The following SIX3 variants were observed in gnomAD, a reference collection of about 807,000 sequenced individuals.
SIX3 encodes the protein homeobox protein SIX3.
A neutral mutation model predicts 21.7 loss-of-function variants in SIX3; 2 were observed. The observed-to-expected ratio is 0.09, with a 90% CI of 0.04 to 0.29. SIX3 has a LOEUF of 0.29. SIX3 is among the 10% of genes least tolerant of loss of function. SIX3 has a pLI of 1.00. For synonymous variants in SIX3, 243 were observed against 220.6 expected, an observed-to-expected ratio of 1.10 and a Z score of -0.90; for missense variants, 347 against 480.7, an observed-to-expected ratio of 0.72 and a Z score of 2.60.
Position 44,942,413 on chromosome 2 carries a change from C to A in SIX3, c.309C>A (p.Gly103=), listed in dbSNP as rs1666599535. ...TCTGTGAGACGCTGGAGGAGACGGG[C>A]GACATCGAGCGGCTGGGCCGCTTCC... ...ASVCETLEET[G]DIERLGRFLW... is the part of the protein sequence containing the mutation. The change falls in exon 1 of 2, where the codon GGC becomes GGA. Residue 103 remains glycine (G), a synonymous_variant. Transcript: ENST00000260653. This position sits in a 1 kb window ranked among gnomAD's most constrained non-coding sequence, Gnocchi z 8.4. The A allele has an allele frequency of 3.8e-6, 6 of 1,597,564 alleles. No individual in the cohort carries two copies. The highest frequency in any genetic ancestry group is 2.2e-5 in the East Asian group (1 of 44,854).
chr2:44,944,225 A>G (rs1038549587), intron 1 of SIX3, among the ~76,000 whole-genome samples: 2 of 151,826 alleles, frequency 1.3e-5, no homozygotes, highest in Non-Finnish European at 2.9e-5. Flanking sequence ...GCGGTGGGGA[A>G]CCCGCAGCTC....
chr2:44,942,475 CCAT>C lies in SIX3; in HGVS notation c.374_376del (p.Ile125del). The stretch of plus-strand genomic sequence containing the variant: ...CCCGTGGCCCCCGGGGCGTGCGAGG[CCAT>C]CAACAAACACGAGTCGATCCTGCGC... On this transcript the variant is annotated inframe_deletion, in exon 1 of 2. Coordinates refer to ENST00000260653, the MANE Select transcript of SIX3 (RefSeq NM_005413.4). This position sits in a 1 kb window ranked among gnomAD's most constrained non-coding sequence, Gnocchi z 8.4. 1 of 1,598,232 alleles carries C rather than the reference CCAT, an allele frequency of 6.3e-7. No individual in the cohort carries two copies. Among genetic ancestry groups the C allele is most frequent in the Non-Finnish European group, 8.5e-7 (1 of 1,179,716 alleles).
chr2:44,942,176 C>G lies in SIX3; in HGVS notation c.72C>G (p.His24Gln), dbSNP rs968579804. Residue 24 changes from histidine to glutamine, a missense_variant, in exon 1 of 2, where the codon CAC (histidine) becomes CAG (glutamine). By Grantham distance (24) the His-to-Gln change is conservative (BLOSUM62 0). Transcript: ENST00000260653. This position sits in a 1 kb window ranked among gnomAD's most constrained non-coding sequence, Gnocchi z 8.4. Reference sequence around the variant, plus strand: ...TGCCAAACTTCGCCGATTCTCACCACCGCTCCATACTTCTGGCGAGTAGCG... The same window carrying G: ...TGCCAAACTTCGCCGATTCTCACCAGCGCTCCATACTTCTGGCGAGTAGCG... ...FLLPNFADSH[H>Q]RSILLASSGG... The G allele has an allele frequency of 1.9e-6, 3 of 1,598,150 alleles. No individual in the cohort carries two copies. The highest frequency in any genetic ancestry group is 1.3e-5 in the African/African-American group (1 of 74,824).
At chr2:44,943,729 G>C (rs1666632284) in intron 1 of SIX3, among the ~76,000 whole-genome samples, 1 of 152,234 alleles carries the variant, frequency 6.6e-6, no homozygotes, top group South Asian at 2.1e-4. Context: ...AAGAAAAGAG[G>C]AAGTTGGGTG....
chr2:44,942,536 C>A lies in SIX3; in HGVS notation c.432C>A (p.Asn144Lys), dbSNP rs1666602349. The A allele has an allele frequency of 6.3e-7, 1 of 1,598,526 alleles. No homozygotes were observed. Among genetic ancestry groups the A allele is most frequent in the African/African-American group, 1.3e-5 (1 of 74,916 alleles). Residue 144 changes from asparagine (N) to lysine (K), a missense_variant, in exon 1 of 2, where the codon AAC becomes AAA. Transcript: ENST00000260653. This position sits in a 1 kb window ranked among gnomAD's most constrained non-coding sequence, Gnocchi z 8.4. ...CCGTGGTCGCCTTCCACACGGGCAACTTCCGCGACCTCTACCACATCCTTG... is the reference window on the plus strand; with the variant it reads ...CCGTGGTCGCCTTCCACACGGGCAAATTCCGCGACCTCTACCACATCCTTG... ...ARAVVAFHTG[N>K]FRDLYHILEN...
Position 44,944,836 on chromosome 2 carries a change from C to G in SIX3, c.*76C>G. On this transcript the variant is annotated 3_prime_UTR_variant, in exon 2 of 2. Coordinates refer to ENST00000260653, the MANE Select transcript of SIX3 (RefSeq NM_005413.4). Reference sequence around the variant, plus strand: ...CCCTCCGCCTCCTAGCCCTCCTCCTCTTCCTCCTCTTCCTTCTCCTCCTCC... The same window carrying G: ...CCCTCCGCCTCCTAGCCCTCCTCCTGTTCCTCCTCTTCCTTCTCCTCCTCC... The G allele has an allele frequency of 7.0e-6, 9 of 1,280,936 alleles. No individual in the cohort carries two copies. The highest frequency in any genetic ancestry group is 9.9e-6 in the Non-Finnish European group (9 of 913,096). 79.3% of individuals were successfully genotyped at this position (1,280,936 alleles called of 1,614,324 possible).
chr2:44,942,456 G>A lies in SIX3; in HGVS notation c.352G>A (p.Ala118Thr). 9 of 1,597,954 alleles carry A rather than the reference G, an allele frequency of 5.6e-6. No individual in the cohort carries two copies. The highest frequency in any genetic ancestry group is 1.1e-5 in the South Asian group (1 of 91,036). ...LGRFLWSLPV[A>T]PGACEAINKH... The stretch of plus-strand genomic sequence containing the variant: ...CCGCTTCCTCTGGTCGCTGCCCGTG[G>A]CCCCCGGGGCGTGCGAGGCCATCAA... Residue 118 changes from alanine (A) to threonine (T), a missense_variant, in exon 1 of 2, where the codon GCC becomes ACC. Transcript: ENST00000260653. The surrounding 1 kb of genome is among the most constrained non-coding windows in gnomAD (Gnocchi z 8.4).
chr2:44,941,939 C>T lies in SIX3; in HGVS notation c.-166C>T, dbSNP rs1666578483. 1.6e-6 allele frequency: 1 copy of T among 622,880 alleles called. No individual in the cohort carries two copies. Among genetic ancestry groups the T allele is most frequent in the African/African-American group, 1.8e-5 (1 of 54,598 alleles). The allele number at this position is 622,880 out of a possible 1,614,324, so 38.6% of individuals were successfully genotyped here. On this transcript the variant is annotated 5_prime_UTR_variant, in exon 1 of 2. Coordinates refer to ENST00000260653, the MANE Select transcript of SIX3 (RefSeq NM_005413.4). ...GTGGATGTGTGTGGGGTGTGGGTGT[C>T]CCTTACGCCCTTCCTCCTCTCCCTC...
Position 44,942,271 on chromosome 2 carries a change from GC to G in SIX3, c.168del (p.Gly57AlafsTer194), listed in dbSNP as rs1432632384. The G allele has an allele frequency of 6.5e-7, 1 of 1,541,478 alleles. No homozygotes were observed. Among genetic ancestry groups the G allele is most frequent in the East Asian group, 2.4e-5 (1 of 42,400 alleles). ...AGCGGCGGCGGGAACGGTGCGGGAG[GC>G]GGCGGTGCTGGCGGAGCAGGCGGCG... ...GGSGGGNGAGGGGAGGAGGGG... is the reference protein window; with the variant it reads ...GGSGGGNGAGXGGAGGAGGGG... On this transcript the variant is annotated frameshift_variant, in exon 1 of 2. Transcript: ENST00000260653. LOFTEE classifies it high-confidence loss of function. This position sits in a 1 kb window ranked among gnomAD's most constrained non-coding sequence, Gnocchi z 8.4.
chr2:44,942,320 C>G lies in SIX3; in HGVS notation c.216C>G (p.Ala72=). The G allele has an allele frequency of 1.3e-6, 2 of 1,590,650 alleles. No individual in the cohort carries two copies. The highest frequency in any genetic ancestry group is 2.2e-5 in the East Asian group (1 of 44,508). Reference sequence around the variant, plus strand: ...GCGGCGGCGGCGGCGGCTCCAGGGCCCCCCCGGAAGAGTTGTCCATGTTCC... The same window carrying G: ...GCGGCGGCGGCGGCGGCTCCAGGGCGCCCCCGGAAGAGTTGTCCATGTTCC... ...AGGGGGGGSR[A]PPEELSMFQL... is the part of the protein sequence containing the mutation. The change falls in exon 1 of 2, where the codon GCC becomes GCG. Residue 72 remains alanine, a synonymous_variant. Transcript: ENST00000260653. The surrounding 1 kb of genome is among the most constrained non-coding windows in gnomAD (Gnocchi z 8.4).
At position 44,942,110 on chromosome 2, in the gene SIX3, A is replaced by C; in HGVS notation, c.6A>C (p.Val2=). 6.3e-7 allele frequency: 1 copy of C among 1,585,034 alleles called. No individual in the cohort carries two copies. Among genetic ancestry groups the C allele is most frequent in the African/African-American group, 1.4e-5 (1 of 73,792 alleles). The change falls in exon 1 of 2, where the codon GTA becomes GTC. Residue 2 remains valine, a synonymous_variant. Coordinates refer to ENST00000260653, the MANE Select transcript of SIX3 (RefSeq NM_005413.4). The surrounding 1 kb of genome is among the most constrained non-coding windows in gnomAD (Gnocchi z 8.4). M[V]FRSPLDLYSS... The stretch of plus-strand genomic sequence containing the variant: ...CTCTCCTCTCAGGTCAGTCCATGGT[A>C]TTCCGCTCCCCCCTAGACCTCTATT...
Position 44,941,849 on chromosome 2 carries a change from T to TGC in SIX3, c.-247_-246dup, listed in dbSNP as rs1558419422. The stretch of plus-strand genomic sequence containing the variant: ...CCCTCTCTGTCTCGGGTTCTCTCTC[T>TGC]GCGCGCGCGCACCGGGCCGCTCTCC... On this transcript the variant is annotated 5_prime_UTR_variant, in exon 1 of 2. Coordinates refer to ENST00000260653, the MANE Select transcript of SIX3 (RefSeq NM_005413.4). 2 of 407,694 alleles carry TGC rather than the reference T, an allele frequency of 4.9e-6. No homozygotes were observed. The highest frequency in any genetic ancestry group is 3.5e-5 in the Admixed American group (1 of 28,366). The allele number at this position is 407,694 out of a possible 1,614,324, so 25.3% of individuals were successfully genotyped here.
chr2:44,944,423 G>T (rs1364005568), intron 1 of SIX3, 145 bp from the exon 2 acceptor site: 3 of 929,188 alleles, frequency 3.2e-6, no homozygotes, highest in Non-Finnish European at 5.0e-6. Flanking sequence ...AAGCGGCCGG[G>T]CTCGGGTTCT....
chr2:44,944,243 GTGTT>G (rs1251848833), intron 1 of SIX3, among the ~76,000 whole-genome samples: 1 of 152,228 alleles, frequency 6.6e-6, no homozygotes, highest in Non-Finnish European at 1.5e-5. Flanking sequence ...CTCCCGGTGT[GTGTT>G]TGAGGGAGCA....
intron 1 of SIX3, 134 bp from the exon 2 acceptor site, chr2:44,944,434 G>T: frequency 1.9e-6 from 2 of 1,046,946 alleles, no homozygotes; most frequent in African/African-American, 1.6e-5. Context: ...CTCGGGTTCT[G>T]CCTCTCCTCC....
In SIX3 at chr2:44,945,112, A is replaced by T. The variant is rs1331212866; in HGVS notation, c.*352A>T. 2 of 299,926 alleles carry T rather than the reference A, an allele frequency of 6.7e-6. No homozygotes were observed. Among genetic ancestry groups the T allele is most frequent in the Non-Finnish European group, 1.3e-5 (2 of 159,632 alleles). The allele number at this position is 299,926 out of a possible 1,614,324, so 18.6% of individuals were successfully genotyped here. ...CAATTGTATACTTTCTAGGACAAGC[A>T]CGGCTTCTCCTTTCGGTTCCCATGG... On this transcript the variant is annotated 3_prime_UTR_variant, in exon 2 of 2. Transcript: ENST00000260653.
At position 44,945,023 on chromosome 2, in the gene SIX3, A is replaced by G; in HGVS notation, c.*263A>G. The stretch of plus-strand genomic sequence containing the variant: ...CCATCTACCACTACGGCCACCCCAA[A>G]GGACCCCGACGCCAACAGACAGTCA... On this transcript the variant is annotated 3_prime_UTR_variant, in exon 2 of 2. Coordinates refer to ENST00000260653, the MANE Select transcript of SIX3 (RefSeq NM_005413.4). 1.8e-6 allele frequency: 1 copy of G among 554,314 alleles called. No homozygotes were observed. Among genetic ancestry groups the G allele is most frequent in the South Asian group, 2.1e-5 (1 of 47,892 alleles). The allele number at this position is 554,314 out of a possible 1,614,324, so 34.3% of individuals were successfully genotyped here. A position where few individuals can be genotyped will look rare whatever the true frequency, so the allele number is the denominator to read the frequency against.
chr2:44,941,939 C>A lies in SIX3; in HGVS notation c.-166C>A. 1.6e-6 allele frequency: 1 copy of A among 622,880 alleles called. No individual in the cohort carries two copies. Among genetic ancestry groups the A allele is most frequent in the South Asian group, 1.7e-5 (1 of 59,892 alleles). The allele number at this position is 622,880 out of a possible 1,614,324, so 38.6% of individuals were successfully genotyped here. The stretch of plus-strand genomic sequence containing the variant: ...GTGGATGTGTGTGGGGTGTGGGTGT[C>A]CCTTACGCCCTTCCTCCTCTCCCTC... On this transcript the variant is annotated 5_prime_UTR_variant, in exon 1 of 2. Transcript: ENST00000260653.
Position 44,944,579 on chromosome 2 carries a change from A to T in SIX3, c.818A>T (p.Gln273Leu). 1 of 1,577,680 alleles carries T rather than the reference A, an allele frequency of 6.3e-7. No homozygotes were observed. Among genetic ancestry groups the T allele is most frequent in the Admixed American group, 1.7e-5 (1 of 58,476 alleles). Residue 273 changes from glutamine (Q) to leucine (L), a missense_variant, in exon 2 of 2, where the codon CAG becomes CTG. By Grantham distance (113) the Gln-to-Leu change is moderately radical (BLOSUM62 -2). Around this residue, in one of 4 missense-constraint regions of SIX3, gnomAD observed 110 missense variants for 93.3 expected, o/e 1.18. Coordinates refer to ENST00000260653, the MANE Select transcript of SIX3 (RefSeq NM_005413.4). ...AAAAKNRLQHQAIGPSGMRSL... is the reference protein window; with the variant it reads ...AAAAKNRLQHLAIGPSGMRSL... ...TCTTTCTCCCGCAGGCTCCAGCACC[A>T]GGCCATTGGACCGAGCGGCATGCGC...
Sources: gnomAD v4.1 joint callset for allele counts (sites outside exome capture counted in the v4.1 genomes callset) on GRCh38, gnomAD v4.1.1 for gene constraint, gnomAD v4.1.1 regional missense constraint, Gnocchi (gnomAD v3.1) non-coding constraint, MANE v1.5 for transcripts, NCBI Gene and HGNC (gene_info 2026-07-23, HGNC 2026-07-21) for gene names.